CNTNAP3: variants seen among roughly 807,000 people sequenced by gnomAD.
The protein encoded by CNTNAP3 is contactin associated protein family member 3, also known as contactin-associated protein-like 3.
CNTNAP3 carries 36 observed loss-of-function variants against 92.1 expected under a neutral mutation model. That is an observed-to-expected ratio of 0.39 (90% CI 0.30 to 0.52). The LOEUF (loss-of-function observed/expected upper bound fraction) is 0.52. Among genes scored for constraint, CNTNAP3 ranks in the 20% least tolerant of loss-of-function variants. CNTNAP3 has a pLI of 0.76. For missense variants in CNTNAP3, 534 were observed against 1,069.6 expected (o/e 0.50, Z 6.98); for synonymous variants, 232 against 422.3 (o/e 0.55, Z 5.53).
chr9:39,132,452 T>A (rs1821315886), intron 13 of CNTNAP3, among the ~76,000 whole-genome samples: 1 of 152,092 alleles, frequency 6.6e-6, no homozygotes, highest in Non-Finnish European at 1.5e-5. Context: ...CTAGTCATTA[T>A]TTCATCCTAG....
At chr9:39,126,864 C>T (rs1490175089) in intron 13 of CNTNAP3, among the ~76,000 whole-genome samples, 1 of 151,934 alleles carries the variant, frequency 6.6e-6, no homozygotes, top group Non-Finnish European at 1.5e-5. Flanking sequence ...AAGAAGTCAG[C>T]AAGGATATAC....
chr9:39,109,666 C>T (rs1170730204), intron 14 of CNTNAP3, among the ~76,000 whole-genome samples: 2 of 152,018 alleles, frequency 1.3e-5, no homozygotes, highest in Admixed American at 6.6e-5. Context: ...TATTTTTCAA[C>T]CTTTTAAAAA....
In CNTNAP3 at chr9:39,139,503, C is replaced by T. The variant is rs145827471; in HGVS notation, c.1876+1016G>A. 3.9e-5 allele frequency among the ~76,000 whole-genome samples: 6 copies of T among 152,284 alleles called. No homozygotes were observed. In the East Asian group the frequency reaches 1.2e-3, roughly 29 times the overall value. ...ATCTTTGCTAAGGCACTTTAAATGCCCATGTAATTTCAGTTATTTGTTTCT... is the reference window on the plus strand; with the variant it reads ...ATCTTTGCTAAGGCACTTTAAATGCTCATGTAATTTCAGTTATTTGTTTCT... On this transcript the variant is annotated intron_variant, in intron 12 of 23. Transcript: ENST00000297668.
intron 9 of CNTNAP3, chr9:39,159,649 TAGATAGATAGATAGATAG>T (rs1425280957): frequency 5.0e-5 from 7 of 140,408 alleles, no homozygotes; most frequent in Non-Finnish European, 1.1e-4. Flanking sequence ...GATAGATAGA[TAGATAGATAGATAGATAG>T]ATAGATATAT....
chr9:39,112,915 T>C (rs557633347), intron 14 of CNTNAP3, among the ~76,000 whole-genome samples: 114 of 152,288 alleles, frequency 7.5e-4, no homozygotes, highest in African/African-American at 2.5e-3. Flanking sequence ...CCATATGAAT[T>C]TTAAAACCAG....
chr9:39,137,598 C>T lies in CNTNAP3; in HGVS notation c.1876+2921G>A, dbSNP rs541821317. Among the ~76,000 whole-genome samples, 382 of 152,118 alleles carry T rather than the reference C, an allele frequency of 2.5e-3. 2 individuals are homozygous for T. Among genetic ancestry groups the T allele is most frequent in the African/African-American group, 8.7e-3 (361 of 41,496 alleles). Reference sequence around the variant, plus strand: ...CATGATCTCAGCTCACTGCATGCTCCGCCTCCCGGATTCATGCCATTCTTC... The same window carrying T: ...CATGATCTCAGCTCACTGCATGCTCTGCCTCCCGGATTCATGCCATTCTTC... On this transcript the variant is annotated intron_variant, in intron 12 of 23. Transcript: ENST00000297668.
chr9:39,074,736 A>G (rs1020946268), intron 23 of CNTNAP3, among the ~76,000 whole-genome samples: 2 of 152,214 alleles, frequency 1.3e-5, no homozygotes, highest in African/African-American at 4.8e-5. Context: ...ATACATTTTA[A>G]TGAAATTGTT....
chr9:39,144,945 A>C (rs1276628481), intron 10 of CNTNAP3, among the ~76,000 whole-genome samples: 6 of 151,474 alleles, frequency 4.0e-5, no homozygotes, highest in Non-Finnish European at 1.5e-5. Context: ...AATTCTTATT[A>C]AAATCCCAAT....
In CNTNAP3 at chr9:39,103,746, C is replaced by T. The variant is rs7852039; in HGVS notation, c.2534G>A (p.Arg845His). The change falls in exon 16 of 24, where the codon CGT (arginine) becomes CAT (histidine). Residue 845 changes from arginine (R) to histidine (H), a missense_variant and splice_region_variant. Coordinates refer to ENST00000297668, the MANE Select transcript of CNTNAP3 (RefSeq NM_033655.5). Reference protein sequence around the residue: ...GITDFIRIELRAPTEVTFSFD... With the variant: ...GITDFIRIELHAPTEVTFSFD... ...CTTGTCCAGAGTGGCGAGCTTACCA[C>T]GCAGCTCAATCCTGATGAAATCTGT... 343,298 of 1,609,094 alleles carry T rather than the reference C, an allele frequency of 0.21. 39,249 individuals are homozygous for T. The highest frequency in any genetic ancestry group is 0.3 in the East Asian group (13,277 of 44,794).
rs1316929606 is a variant in CNTNAP3 at position 39,067,371 on chromosome 9, A to G, written c.*6519T>C. ...CACACACTTGGTAATTTTTTATTGT[A>G]TACCAGACATTGTGATTTTACCTCG... On this transcript the variant is annotated 3_prime_UTR_variant, in exon 24 of 24. Coordinates refer to ENST00000297668, the MANE Select transcript of CNTNAP3 (RefSeq NM_033655.5). Among the ~76,000 whole-genome samples the G allele has an allele frequency of 6.6e-6, 1 of 152,306 alleles. No homozygotes were observed. Among genetic ancestry groups the G allele is most frequent in the Non-Finnish European group, 1.5e-5 (1 of 68,058 alleles).
At chr9:39,135,613 A>G (rs1330001190) in intron 12 of CNTNAP3, among the ~76,000 whole-genome samples, 1 of 152,106 alleles carries the variant, frequency 6.6e-6, no homozygotes, top group Non-Finnish European at 1.5e-5. Context: ...TCAATTTATG[A>G]TGAAGTTGCA....
intron 13 of CNTNAP3, among the ~76,000 whole-genome samples, chr9:39,119,425 G>A (rs933523133): frequency 1.3e-5 from 2 of 148,936 alleles, no homozygotes; most frequent in African/African-American, 2.5e-5. Context: ...TTTTAAAAAT[G>A]TGCTAAAACC....
At chr9:39,113,188 G>A (rs1286395469) in intron 14 of CNTNAP3, among the ~76,000 whole-genome samples, 1 of 151,910 alleles carries the variant, frequency 6.6e-6, no homozygotes, top group Non-Finnish European at 1.5e-5. Context: ...TTCAGACAAT[G>A]CCAAATGTCC....
chr9:39,194,781 CTTTTTTTTTTTTTT>C lies in CNTNAP3; in HGVS notation c.391-1520_391-1507del, dbSNP rs1170423558. 3.9e-3 allele frequency among the ~76,000 whole-genome samples: 5 copies of C among 1,272 alleles called. 2 individuals carry two copies. Among genetic ancestry groups the C allele is most frequent in the Non-Finnish European group, 7.0e-3 (5 of 716 alleles). The allele number at this position is 1,272 out of a possible 152,430, so 0.8% of individuals were successfully genotyped here. ...GCCAATTCCAAGATAATCATTTCACCTTTTTTTTTTTTTTTTTTTTTTTTTTTCTGAGACAGGGT... is the reference window on the plus strand; with the variant it reads ...GCCAATTCCAAGATAATCATTTCACCTTTTTTTTTTTTTCTGAGACAGGGT... On this transcript the variant is annotated intron_variant, in intron 3 of 23. Transcript: ENST00000297668.
chr9:39,122,594 AAAG>A (rs1276782769), intron 13 of CNTNAP3, among the ~76,000 whole-genome samples: 10 of 152,248 alleles, frequency 6.6e-5, no homozygotes, highest in Non-Finnish European at 1.2e-4. Flanking sequence ...ACAGTTATGC[AAAG>A]AGCAAATTCA....
chr9:39,105,223 C>G (rs573438583), intron 15 of CNTNAP3, among the ~76,000 whole-genome samples: 44 of 152,210 alleles, frequency 2.9e-4, no homozygotes, highest in African/African-American at 8.7e-4. Flanking sequence ...GTCAGGAGAT[C>G]CAGACCATCC....
intron 18 of CNTNAP3, among the ~76,000 whole-genome samples, chr9:39,094,641 A>C (rs1275322970): frequency 6.6e-6 from 1 of 151,586 alleles, no homozygotes; most frequent in African/African-American, 2.4e-5. Context: ...ACTATGTTAA[A>C]CATCAATTGA....
At chr9:39,151,808 C>G (rs961595650) in intron 9 of CNTNAP3, among the ~76,000 whole-genome samples, 2 of 146,970 alleles carry the variant, frequency 1.4e-5, no homozygotes, top group African/African-American at 2.5e-5. Context: ...AAAAAAGAAG[C>G]CTGCTTATAT....
intron 9 of CNTNAP3, among the ~76,000 whole-genome samples, chr9:39,157,389 G>GT (rs947538051): frequency 1.9e-4 from 8 of 41,278 alleles, no homozygotes; most frequent in African/African-American, 6.9e-4. Flanking sequence ...CCAGGCTGGA[G>GT]TGCAGTGGCG....
Sources: gnomAD v4.1 joint callset for allele counts (sites outside exome capture counted in the v4.1 genomes callset) on GRCh38, gnomAD v4.1.1 for gene constraint, MANE v1.5 for transcripts, NCBI Gene and HGNC (gene_info 2026-07-23, HGNC 2026-07-21) for gene names.